DNAH3: variants seen among roughly 807,000 people sequenced by gnomAD.
The protein encoded by DNAH3 is axonemal beta dynein heavy chain 3.
In DNAH3, 332 loss-of-function variants were observed where a neutral mutation model predicts 432.5. That is an observed-to-expected ratio of 0.77 (90% CI 0.70 to 0.84). The LOEUF (loss-of-function observed/expected upper bound fraction) is 0.84, where lower values mean the gene tolerates loss of function less well. Ranked by LOEUF, DNAH3 falls within the 40% of genes least tolerant of loss-of-function variation. DNAH3 has a pLI of 0.00. For missense variants in DNAH3, 4,861 were observed against 5,114.0 expected, an observed-to-expected ratio of 0.95 and a Z score of 1.51; for synonymous variants, 1,956 against 1,900.2, an observed-to-expected ratio of 1.03 and a Z score of -0.76.
chr16:21,113,601 G>T (rs1318097169), intron 12 of DNAH3, among the ~76,000 whole-genome samples: 2 of 152,104 alleles, frequency 1.3e-5, no homozygotes, highest in African/African-American at 2.4e-5. Flanking sequence ...TGGGATTAGA[G>T]GCATGTGCCA....
At chr16:20,963,980 C>T (rs1325875782) in exon 53 of DNAH3, 2 of 1,614,140 alleles carry the variant, frequency 1.2e-6, no homozygotes, top group Admixed American at 1.7e-5. Flanking sequence ...AAGATGGTGG[C>T]AGAATGCACA....
At chr16:21,059,729 C>T (rs1354898192) in intron 26 of DNAH3, among the ~76,000 whole-genome samples, 6 of 150,090 alleles carry the variant, frequency 4.0e-5, no homozygotes, top group Admixed American at 6.7e-5. Flanking sequence ...GAGCCAAGAT[C>T]GTACCACTGC....
intron 37 of DNAH3, among the ~76,000 whole-genome samples, chr16:21,028,488 C>T (rs1863863492): frequency 6.8e-6 from 1 of 146,570 alleles, no homozygotes. Flanking sequence ...TGGTGAAACC[C>T]AATTTCTACT....
intron 41 of DNAH3, among the ~76,000 whole-genome samples, chr16:21,003,823 A>G: frequency 6.6e-6 from 1 of 152,100 alleles, no homozygotes; most frequent in African/African-American, 2.4e-5. Flanking sequence ...ACAAAAAAAG[A>G]AGACAATAAG....
chr16:20,949,703 T>G (rs965786205), intron 56 of DNAH3, among the ~76,000 whole-genome samples: 3 of 152,220 alleles, frequency 2.0e-5, no homozygotes, highest in Admixed American at 2.0e-4. Flanking sequence ...GAGCAAAGAC[T>G]CTTGCTAATT....
intron 5 of DNAH3, among the ~76,000 whole-genome samples, chr16:21,139,135 A>G (rs1196426377): frequency 6.6e-6 from 1 of 152,142 alleles, no homozygotes; most frequent in Non-Finnish European, 1.5e-5. Flanking sequence ...ACATCTATCT[A>G]GAGCCAGGCA....
intron 24 of DNAH3, among the ~76,000 whole-genome samples, chr16:21,066,390 C>T (rs998671612): frequency 1.3e-5 from 2 of 151,812 alleles, no homozygotes; most frequent in African/African-American, 2.4e-5. Context: ...TATTTTGAGA[C>T]ATGGTCTGAC....
intron 59 of DNAH3, among the ~76,000 whole-genome samples, chr16:20,940,848 C>G (rs569558004): frequency 2.0e-5 from 3 of 152,256 alleles, no homozygotes; most frequent in South Asian, 4.2e-4. Context: ...AATCCCACCA[C>G]TTTACGAGGC....
At chr16:20,959,295 G>T (rs1045773820) in exon 54 of DNAH3, 4 of 1,614,188 alleles carry the variant, frequency 2.5e-6, no homozygotes, top group Non-Finnish European at 3.4e-6. Flanking sequence ...TCCCGTCTTT[G>T]ATGGCATTGT....
intron 21 of DNAH3, among the ~76,000 whole-genome samples, 177 bp downstream of exon 21, chr16:21,075,270 G>A (rs1020364720): frequency 2.0e-5 from 3 of 152,134 alleles, no homozygotes; most frequent in Non-Finnish European, 4.4e-5. Context: ...GAATCTCTTC[G>A]GTGGTGCTGA....
At chr16:20,993,790 C>G (rs1211190190) in intron 44 of DNAH3, among the ~76,000 whole-genome samples, 1 of 152,002 alleles carries the variant, frequency 6.6e-6, no homozygotes, top group African/African-American at 2.4e-5. Flanking sequence ...CTCAAGCGAT[C>G]CTCCCACCTT....
chr16:21,121,954 C>A (rs777755162), exon 10 of DNAH3: 6 of 1,608,558 alleles, frequency 3.7e-6, no homozygotes, highest in East Asian at 2.2e-5. Context: ...CCTTGGGGAT[C>A]CCATTAGAGT....
chr16:20,986,664 C>T (rs968141738), intron 47 of DNAH3, among the ~76,000 whole-genome samples: 1 of 152,106 alleles, frequency 6.6e-6, no homozygotes, highest in Admixed American at 6.5e-5. Flanking sequence ...TGATCCTCCA[C>T]CAAATAGAAG....
chr16:20,953,868 C>T (rs947604603), intron 55 of DNAH3, among the ~76,000 whole-genome samples: 5 of 152,106 alleles, frequency 3.3e-5, no homozygotes, highest in Non-Finnish European at 7.4e-5. Flanking sequence ...CCTCAGCCTC[C>T]CAAAGTACTG....
chr16:21,103,344 G>A (rs960013906), intron 16 of DNAH3, among the ~76,000 whole-genome samples: 35 of 139,982 alleles, frequency 2.5e-4, no homozygotes, highest in African/African-American at 8.5e-4. Flanking sequence ...GGGTGTAGAG[G>A]GTGTGTGTGT....
At position 21,053,040 on chromosome 16, in the gene DNAH3, G is replaced by C. The variant is rs117289786; in HGVS notation, c.4040-1172C>G. Among the ~76,000 whole-genome samples, 767 of 152,278 alleles carry C rather than the reference G, an allele frequency of 5.0e-3. 6 individuals are homozygous for C. The highest frequency in any genetic ancestry group is 9.0e-3 in the Admixed American group (137 of 15,288). Reference sequence around the variant, plus strand: ...AGTTGAAGAGTGGATCTAGGCTGATGAGAATCATTCATTACGTTTTTGGTA... The same window carrying C: ...AGTTGAAGAGTGGATCTAGGCTGATCAGAATCATTCATTACGTTTTTGGTA... On this transcript the variant is annotated intron_variant, in intron 28 of 61. Transcript: ENST00000261383.
chr16:21,037,738 C>T lies in DNAH3; in HGVS notation c.4950+23G>A, dbSNP rs773888273. On this transcript the variant is annotated intron_variant, in intron 34 of 61. Transcript: ENST00000261383. ...CCAACATTGAGCCTTGGTCCTCGGCCAAGGTCCTGAACCGCTACATACCTG... is the reference window on the plus strand; with the variant it reads ...CCAACATTGAGCCTTGGTCCTCGGCTAAGGTCCTGAACCGCTACATACCTG... 6.2e-6 allele frequency: 10 copies of T among 1,608,732 alleles called. No homozygotes were observed. In the East Asian group the frequency reaches 1.8e-4, roughly 29 times the overall value.
Position 21,060,499 on chromosome 16 carries a change from C to G in DNAH3, c.3721-143G>C, listed in dbSNP as rs2152751245. The G allele has an allele frequency of 5.2e-6, 3 of 581,642 alleles. No homozygotes were observed. The South Asian group carries it at 7.3e-5, about 14-fold the overall frequency. The allele number at this position is 581,642 out of a possible 1,614,324, so 36.0% of individuals were successfully genotyped here. A position where few individuals can be genotyped will look rare whatever the true frequency, so the allele number is the denominator to read the frequency against. ...CTTTTCAAGTCAATATTCTCTGTCTCCCCGTTCTTTTTTTCTTTTTTTTTT... is the reference window on the plus strand; with the variant it reads ...CTTTTCAAGTCAATATTCTCTGTCTGCCCGTTCTTTTTTTCTTTTTTTTTT... On this transcript the variant is annotated intron_variant, in intron 25 of 61. Transcript: ENST00000261383.
exon 32 of DNAH3, chr16:21,042,088 G>A (rs1342523339): frequency 1.9e-6 from 3 of 1,613,852 alleles, no homozygotes; most frequent in Non-Finnish European, 2.5e-6. Context: ...GATGAACACA[G>A]CGCAGGTTGG....
Sources: allele counts gnomAD v4.1 joint callset (sites outside exome capture counted in the v4.1 genomes callset), GRCh38; gene constraint gnomAD v4.1.1; transcripts MANE v1.5; gene names NCBI Gene and HGNC (gene_info 2026-07-23, HGNC 2026-07-21).